TEAD1: variants seen among roughly 807,000 people sequenced by gnomAD.
The protein encoded by TEAD1 is transcriptional enhancer factor TEF-1.
In TEAD1, 9 loss-of-function variants were observed where a neutral mutation model predicts 54.9. The observed-to-expected ratio is 0.16, with a 90% CI of 0.10 to 0.29. TEAD1 has a LOEUF of 0.29. Among genes scored for constraint, TEAD1 ranks in the 10% least tolerant of loss-of-function variants. The pLI is 1.00. For synonymous variants in TEAD1, 200 were observed against 187.8 expected (o/e 1.07, Z -0.53); for missense variants, 387 against 535.9 (o/e 0.72, Z 2.74).
chr11:12,819,742 A>C (rs1260348642), intron 3 of TEAD1, among the ~76,000 whole-genome samples: 1 of 152,180 alleles, frequency 6.6e-6, no homozygotes, highest in South Asian at 2.1e-4. Context: ...TGAACCACCA[A>C]GCCCGGCCGG....
At chr11:12,706,289 C>G (rs546715170) in intron 2 of TEAD1, among the ~76,000 whole-genome samples, 1 of 152,172 alleles carries the variant, frequency 6.6e-6, no homozygotes, top group Admixed American at 6.5e-5. Flanking sequence ...AAGAAATATT[C>G]TACATTAAAA....
At chr11:12,742,645 A>G (rs1436375686) in intron 2 of TEAD1, among the ~76,000 whole-genome samples, 1 of 152,252 alleles carries the variant, frequency 6.6e-6, no homozygotes, top group African/African-American at 2.4e-5. Context: ...AGATTGGATC[A>G]TTCCACAATA....
At chr11:12,711,183 C>T (rs1371455359) in intron 2 of TEAD1, among the ~76,000 whole-genome samples, 1 of 152,042 alleles carries the variant, frequency 6.6e-6, no homozygotes, top group Non-Finnish European at 1.5e-5. Context: ...TCAGGGTAGT[C>T]ACTGGGGAGG....
At chr11:12,746,310 C>T (rs1004891255) in intron 2 of TEAD1, among the ~76,000 whole-genome samples, 6 of 152,104 alleles carry the variant, frequency 3.9e-5, no homozygotes, top group Non-Finnish European at 8.8e-5. Context: ...TAATTAGCTT[C>T]GACATGTTTG....
At chr11:12,712,337 G>A (rs991791069) in intron 2 of TEAD1, among the ~76,000 whole-genome samples, 2 of 152,016 alleles carry the variant, frequency 1.3e-5, no homozygotes, top group African/African-American at 2.4e-5. Flanking sequence ...ATCTTTGCTG[G>A]CATTGCCTCT....
intron 2 of TEAD1, among the ~76,000 whole-genome samples, chr11:12,690,196 T>C (rs1036332723): frequency 6.8e-5 from 10 of 146,446 alleles, no homozygotes; most frequent in African/African-American, 2.5e-4. Flanking sequence ...GAGCTGAGAT[T>C]GCGCCACTGC....
intron 3 of TEAD1, among the ~76,000 whole-genome samples, chr11:12,854,798 C>G (rs1386600072): frequency 4.0e-5 from 6 of 148,554 alleles, no homozygotes; most frequent in Non-Finnish European, 5.9e-5. Flanking sequence ...GGGTCTCACT[C>G]TCAGCCAGGC....
At chr11:12,917,709 G>C (rs926765103) in intron 10 of TEAD1, among the ~76,000 whole-genome samples, 1 of 152,152 alleles carries the variant, frequency 6.6e-6, no homozygotes, top group Admixed American at 6.5e-5. Context: ...TGCTTTTGGA[G>C]GTAGGAGAGA....
At chr11:12,839,858 T>A (rs1431911696) in intron 3 of TEAD1, among the ~76,000 whole-genome samples, 1 of 152,106 alleles carries the variant, frequency 6.6e-6, no homozygotes, top group Non-Finnish European at 1.5e-5. Context: ...GTAAGACTCA[T>A]TAATCTAAGA....
intron 10 of TEAD1, among the ~76,000 whole-genome samples, chr11:12,907,835 T>A (rs1445158597): frequency 6.6e-6 from 1 of 152,214 alleles, no homozygotes; most frequent in Non-Finnish European, 1.5e-5. Context: ...CCAGAATCCA[T>A]GCTCTTTGTG....
At chr11:12,800,767 C>T (rs1435607822) in intron 3 of TEAD1, among the ~76,000 whole-genome samples, 1 of 152,226 alleles carries the variant, frequency 6.6e-6, no homozygotes, top group Non-Finnish European at 1.5e-5. Flanking sequence ...GGCCTCTCAT[C>T]TTCCTTTCCT....
intron 3 of TEAD1, chr11:12,851,219 C>G: frequency 1.2e-5 from 5 of 405,936 alleles, no homozygotes; most frequent in Non-Finnish European, 1.7e-5. Flanking sequence ...AAAACAACAA[C>G]AGAGGATACT....
chr11:12,893,276 C>T (rs903230882), intron 9 of TEAD1, among the ~76,000 whole-genome samples: 7 of 152,108 alleles, frequency 4.6e-5, no homozygotes, highest in Admixed American at 1.3e-4. Flanking sequence ...TCCAGCAGGA[C>T]GTAGGAGATG....
intron 8 of TEAD1, 141 bp downstream of exon 8, chr11:12,882,098 GC>G: frequency 2.3e-6 from 2 of 876,454 alleles, no homozygotes; most frequent in South Asian, 2.8e-5. Flanking sequence ...TCCTTGGGTA[GC>G]CTGTAGCTCA....
intron 2 of TEAD1, among the ~76,000 whole-genome samples, chr11:12,741,883 T>A (rs1564924726): frequency 6.6e-6 from 1 of 152,174 alleles, no homozygotes; most frequent in Non-Finnish European, 1.5e-5. Context: ...ACAGCCTTGT[T>A]TTTCAGCTGC....
intron 2 of TEAD1, among the ~76,000 whole-genome samples, chr11:12,743,023 C>T (rs1259620961): frequency 6.6e-6 from 1 of 152,214 alleles, no homozygotes; most frequent in East Asian, 1.9e-4. Context: ...TACGTCCAGG[C>T]TAGCACCTTC....
At chr11:12,928,192 G>A (rs1948935823) in intron 11 of TEAD1, among the ~76,000 whole-genome samples, 1 of 151,700 alleles carries the variant, frequency 6.6e-6, no homozygotes, top group African/African-American at 2.4e-5. Flanking sequence ...TCTTACTTTG[G>A]ATTTATTGTT....
intron 2 of TEAD1, among the ~76,000 whole-genome samples, chr11:12,757,861 T>C (rs925075185): frequency 6.6e-6 from 1 of 151,648 alleles, no homozygotes; most frequent in Admixed American, 6.6e-5. Flanking sequence ...CTCACTGCTA[T>C]CTCTGCCTCC....
At chr11:12,883,842 T>C (rs1948026892) in intron 9 of TEAD1, among the ~76,000 whole-genome samples, 1 of 151,718 alleles carries the variant, frequency 6.6e-6, no homozygotes, top group South Asian at 2.1e-4. Flanking sequence ...TGAAACCCCG[T>C]CTCTACTAAA....
Sources: gnomAD v4.1 joint callset for allele counts (sites outside exome capture counted in the v4.1 genomes callset) on GRCh38, gnomAD v4.1.1 for gene constraint, MANE v1.5 for transcripts, NCBI Gene and HGNC (gene_info 2026-07-23, HGNC 2026-07-21) for gene names.